KIF18A: variants seen among roughly 807,000 people sequenced by gnomAD.
KIF18A encodes kinesin-like protein KIF18A.
KIF18A carries 67 observed loss-of-function variants against 103.3 expected under a neutral mutation model. The observed-to-expected ratio is 0.65, with a 90% CI of 0.53 to 0.79. The LOEUF (loss-of-function observed/expected upper bound fraction) is 0.79, where lower values mean the gene tolerates loss of function less well. KIF18A is among the 30% of genes least tolerant of loss of function. KIF18A has a pLI of 0.00. For missense variants in KIF18A, 1,032 were observed against 1,062.5 expected (o/e 0.97, Z 0.40); for synonymous variants, 367 against 355.5 (o/e 1.03, Z -0.36).
At chr11:28,077,352 AACTTT>A (rs1265009542) in intron 9 of KIF18A, among the ~76,000 whole-genome samples, 183 bp from the exon 10 acceptor site, 1 of 152,232 alleles carries the variant, frequency 6.6e-6, no homozygotes, top group Non-Finnish European at 1.5e-5. Context: ...AAAAGTTATT[AACTTT>A]ACTTATACTA....
At chr11:28,083,535 T>C (rs1851191316) in intron 7 of KIF18A, among the ~76,000 whole-genome samples, 1 of 152,124 alleles carries the variant, frequency 6.6e-6, no homozygotes, top group Non-Finnish European at 1.5e-5. Flanking sequence ...CAGAGATAGT[T>C]TTTCATGCTA....
At chr11:28,065,513 C>T (rs1207221858) in intron 11 of KIF18A, among the ~76,000 whole-genome samples, 2 of 151,872 alleles carry the variant, frequency 1.3e-5, no homozygotes, top group African/African-American at 4.8e-5. Context: ...AGACAGATTG[C>T]TAGAAAAATT....
chr11:28,065,223 G>A (rs1216830416), intron 11 of KIF18A, among the ~76,000 whole-genome samples: 1 of 152,006 alleles, frequency 6.6e-6, no homozygotes, highest in East Asian at 1.9e-4. Flanking sequence ...GTCCAGAGTT[G>A]TGTGACCTTG....
At chr11:28,054,956 G>A (rs1850759656) in intron 13 of KIF18A, among the ~76,000 whole-genome samples, 1 of 151,982 alleles carries the variant, frequency 6.6e-6, no homozygotes, top group Non-Finnish European at 1.5e-5. Context: ...TTTAAATAAG[G>A]AATAATGAGC....
At position 28,036,622 on chromosome 11, in the gene KIF18A, T is replaced by C. The variant is rs1850495298; in HGVS notation, c.1991A>G (p.Glu664Gly). 2 of 1,609,978 alleles carry C rather than the reference T, an allele frequency of 1.2e-6. No homozygotes were observed. Among genetic ancestry groups the C allele is most frequent in the Non-Finnish European group, 1.7e-6 (2 of 1,177,600 alleles). ...GGTNLVKIPT[E>G]KRTRRKLMPS... The stretch of plus-strand genomic sequence containing the variant: ...CATTAGTTTTCTCCGAGTTCTTTTT[T>C]CTGTAGGAATCTTAACCAGATTAGT... The change falls in exon 14 of 17, where the codon GAA becomes GGA. Residue 664 changes from glutamate to glycine, a missense_variant. Coordinates refer to ENST00000263181, the MANE Select transcript of KIF18A (RefSeq NM_031217.4).
At chr11:28,057,033 A>G (rs1206314380) in intron 13 of KIF18A, 3 of 201,346 alleles carry the variant, frequency 1.5e-5, no homozygotes, top group South Asian at 6.4e-5. Context: ...CTCAACATAT[A>G]TATAAAAAAA....
intron 5 of KIF18A, among the ~76,000 whole-genome samples, chr11:28,089,672 G>A (rs1005049209): frequency 6.6e-5 from 10 of 152,108 alleles, no homozygotes; most frequent in African/African-American, 2.2e-4. Flanking sequence ...CTGAAATGTC[G>A]TTATGCGGCA....
At chr11:28,050,775 C>A (rs955404356) in intron 13 of KIF18A, among the ~76,000 whole-genome samples, 2 of 151,674 alleles carry the variant, frequency 1.3e-5, no homozygotes, top group African/African-American at 2.4e-5. Context: ...AGTGAGTGTG[C>A]TATCTATTTT....
chr11:28,027,056 C>G (rs933966585), intron 15 of KIF18A, among the ~76,000 whole-genome samples: 1 of 151,796 alleles, frequency 6.6e-6, no homozygotes, highest in Non-Finnish European at 1.5e-5. Context: ...ATTAAATTCA[C>G]TTATGAGAAG....
intron 4 of KIF18A, among the ~76,000 whole-genome samples, chr11:28,091,178 A>G (rs1041885630): frequency 2.0e-5 from 3 of 151,818 alleles, no homozygotes; most frequent in Non-Finnish European, 4.4e-5. Context: ...ACATACATAC[A>G]TACATACGTA....
intron 16 of KIF18A, 42 bp from the exon 17 acceptor site, chr11:28,021,324 T>A (rs768148824): frequency 1.5e-6 from 2 of 1,294,736 alleles, no homozygotes; most frequent in Admixed American, 3.9e-5. Context: ...GGCATAAATA[T>A]CATTCAAAAA....
chr11:28,077,698 G>C (rs1851112344), intron 9 of KIF18A, among the ~76,000 whole-genome samples: 1 of 152,108 alleles, frequency 6.6e-6, no homozygotes, highest in Admixed American at 6.6e-5. Context: ...TTTAGCTTCA[G>C]AATTTGTTAT....
intron 14 of KIF18A, 95 bp downstream of exon 14, chr11:28,036,122 T>C (rs919016483): frequency 4.1e-6 from 3 of 732,968 alleles, no homozygotes; most frequent in Non-Finnish European, 6.5e-6. Flanking sequence ...TGTTTTATAA[T>C]CAAAATGGCA....
intron 13 of KIF18A, among the ~76,000 whole-genome samples, chr11:28,055,580 A>G (rs1850770108): frequency 6.6e-6 from 1 of 152,110 alleles, no homozygotes; most frequent in Non-Finnish European, 1.5e-5. Flanking sequence ...GAACAGCTAT[A>G]CTGTAGAGGG....
intron 15 of KIF18A, among the ~76,000 whole-genome samples, chr11:28,026,015 C>T (rs938845977): frequency 7.9e-5 from 12 of 151,638 alleles, no homozygotes; most frequent in African/African-American, 2.9e-4. Context: ...AACCAATCAA[C>T]CAAACAAATA....
chr11:28,049,013 G>C (rs184492141), intron 13 of KIF18A, among the ~76,000 whole-genome samples: 3 of 152,142 alleles, frequency 2.0e-5, no homozygotes, highest in Non-Finnish European at 4.4e-5. Context: ...TCTTCTGAGA[G>C]GTCTACACTT....
intron 10 of KIF18A, among the ~76,000 whole-genome samples, chr11:28,071,879 T>G (rs763308717): frequency 5.9e-5 from 9 of 152,170 alleles, no homozygotes; most frequent in Non-Finnish European, 1.2e-4. Context: ...CATCTTTATT[T>G]TGCTTTAGCA....
intron 1 of KIF18A, among the ~76,000 whole-genome samples, chr11:28,107,605 G>A (rs1851548451): frequency 6.6e-6 from 1 of 152,118 alleles, no homozygotes; most frequent in Non-Finnish European, 1.5e-5. Flanking sequence ...AACAGTTAAA[G>A]CTCTTCAGAC....
chr11:28,065,945 G>A (rs950658658), intron 11 of KIF18A, among the ~76,000 whole-genome samples: 8 of 151,936 alleles, frequency 5.3e-5, no homozygotes, highest in African/African-American at 1.7e-4. Flanking sequence ...TGTACACATG[G>A]TTAAGATGGT....
Sources: allele counts gnomAD v4.1 joint callset (sites outside exome capture counted in the v4.1 genomes callset), GRCh38; gene constraint gnomAD v4.1.1; transcripts MANE v1.5; gene names NCBI Gene and HGNC (gene_info 2026-07-23, HGNC 2026-07-21).